FDFT1: variants seen among roughly 807,000 people sequenced by gnomAD.
FDFT1 encodes squalene synthase.
In FDFT1, 68 loss-of-function variants were observed where a neutral mutation model predicts 46.8. The ratio of observed to expected loss-of-function variants is 1.45; its 90% CI spans 1.19 to 1.78. FDFT1 has a LOEUF of 1.78. Among genes scored for constraint, FDFT1 ranks in the 40% most tolerant of loss-of-function variants. FDFT1 has a pLI of 0.00. For missense variants in FDFT1, 928 were observed against 524.4 expected, an observed-to-expected ratio of 1.77 and a Z score of -7.52; for synonymous variants, 351 against 185.1, an observed-to-expected ratio of 1.90 and a Z score of -7.28.
upstream of FDFT1, chr8:11,802,009 G>A (rs1394733282): frequency 2.2e-6 from 1 of 454,122 alleles, no homozygotes; most frequent in Non-Finnish European, 4.4e-6. Context: ...TAGTTTCTAG[G>A]GCTGGAGAGA....
chr8:11,814,065 T>G (rs182747088), intron 3 of FDFT1, among the ~76,000 whole-genome samples: 1 of 152,330 alleles, frequency 6.6e-6, no homozygotes, highest in Admixed American at 6.5e-5. Context: ...TGGAGGAGTC[T>G]AAGCTCCTTC....
At position 11,809,749 on chromosome 8, in the gene FDFT1, G is replaced by T. The variant is rs768320911; in HGVS notation, c.280G>T (p.Val94Phe). 1.2e-6 allele frequency: 2 copies of T among 1,614,124 alleles called. No individual in the cohort carries two copies. The highest frequency in any genetic ancestry group is 1.7e-6 in the Non-Finnish European group (2 of 1,179,988). ...DDMTISVEKK[V>F]PLLHNFHSFL... is the part of the protein sequence containing the mutation. ...CATGACCATCAGTGTGGAAAAGAAG[G>T]TCCCGCTGTTACACAACTTTCACTC... The change falls in exon 3 of 8, where the codon GTC becomes TTC. Residue 94 changes from valine (V) to phenylalanine (F), a missense_variant. Val to Phe is a conservative substitution (Grantham distance 50, BLOSUM62 -1). Transcript: ENST00000220584.
At chr8:11,819,616 T>C (rs904874747) in intron 3 of FDFT1, among the ~76,000 whole-genome samples, 4 of 152,040 alleles carry the variant, frequency 2.6e-5, no homozygotes, top group African/African-American at 9.7e-5. Context: ...ACTGATATCC[T>C]TTCTTCTGCT....
At chr8:11,831,059 G>A (rs1386813386) in intron 6 of FDFT1, among the ~76,000 whole-genome samples, 1 of 152,064 alleles carries the variant, frequency 6.6e-6, no homozygotes, top group Non-Finnish European at 1.5e-5. Flanking sequence ...TTTGAGCACA[G>A]GAAATTAATC....
chr8:11,817,015 T>C (rs1479562663), intron 3 of FDFT1, among the ~76,000 whole-genome samples: 4 of 152,222 alleles, frequency 2.6e-5, no homozygotes, highest in African/African-American at 7.2e-5. Flanking sequence ...TTGTCATAAA[T>C]AGCTCCTTAT....
intron 1 of FDFT1, among the ~76,000 whole-genome samples, chr8:11,805,659 T>TTC (rs771435667): frequency 0.49 from 73,693 of 151,818 alleles, 20,134 homozygotes; most frequent in South Asian, 0.67. Flanking sequence ...AAAGAATTTT[T>TTC]TGAGTGTTTG....
At chr8:11,812,737 TCAATA>T (rs1807909498) in intron 3 of FDFT1, among the ~76,000 whole-genome samples, 1 of 152,210 alleles carries the variant, frequency 6.6e-6, no homozygotes, top group Non-Finnish European at 1.5e-5. Context: ...GGAATAAGCC[TCAATA>T]CAGTGTTCTA....
chr8:11,836,924 G>C (rs1586022186), intron 7 of FDFT1, among the ~76,000 whole-genome samples: 1 of 152,260 alleles, frequency 6.6e-6, no homozygotes, highest in African/African-American at 2.4e-5. Context: ...TGCCAGCACA[G>C]GGCTAGGCTG....
At chr8:11,822,788 C>A (rs753568193) in intron 4 of FDFT1, among the ~76,000 whole-genome samples, 3 of 152,174 alleles carry the variant, frequency 2.0e-5, no homozygotes, top group African/African-American at 7.2e-5. Flanking sequence ...TGCACTCCAA[C>A]GTGGGTGACA....
chr8:11,831,969 T>C (rs1156868853), intron 7 of FDFT1, among the ~76,000 whole-genome samples: 2 of 152,160 alleles, frequency 1.3e-5, no homozygotes, highest in Non-Finnish European at 2.9e-5. Flanking sequence ...CAACCAAGCT[T>C]CTTGTTGCTG....
chr8:11,802,177 G>T, upstream of FDFT1: 1 of 445,144 alleles, frequency 2.2e-6, no homozygotes, highest in Non-Finnish European at 4.5e-6. Context: ...GCGGTGGCGG[G>T]CAGGCGAGCT....
upstream of FDFT1, chr8:11,802,490 G>A (rs1368605352): frequency 4.1e-6 from 2 of 489,916 alleles, no homozygotes; most frequent in East Asian, 5.8e-5. Context: ...GGCTCCATCA[G>A]GGCACCAATC....
chr8:11,796,564 G>C (rs1377080677), intron 1 of FDFT1, among the ~76,000 whole-genome samples: 1 of 152,172 alleles, frequency 6.6e-6, no homozygotes, highest in African/African-American at 2.4e-5. Context: ...CAGGGGAGTG[G>C]GAAGCTTTAC....
chr8:11,808,541 C>CA, intron 1 of FDFT1: 1 of 1,340,884 alleles, frequency 7.5e-7, no homozygotes, highest in Non-Finnish European at 9.5e-7. Context: ...CCTGCGGCAC[C>CA]AAGGCCATGG....
chr8:11,812,044 G>C (rs1219944050), intron 3 of FDFT1, among the ~76,000 whole-genome samples: 1 of 152,178 alleles, frequency 6.6e-6, no homozygotes, highest in Non-Finnish European at 1.5e-5. Context: ...CAAGTAGTGT[G>C]AAAGAGGACT....
At chr8:11,800,047 G>A (rs1461937927), upstream of FDFT1, among the ~76,000 whole-genome samples, 3 of 148,946 alleles carry the variant, frequency 2.0e-5, no homozygotes, top group Non-Finnish European at 4.5e-5. Flanking sequence ...GGATCATGAG[G>A]TCAGGAGTTC....
chr8:11,831,759 A>G, intron 7 of FDFT1, 89 bp downstream of exon 7: 4 of 1,073,444 alleles, frequency 3.7e-6, no homozygotes, highest in Non-Finnish European at 5.7e-6. Context: ...ATATTAGATG[A>G]TCCTAACAAT....
At chr8:11,811,258 C>T (rs1736108) in intron 3 of FDFT1, among the ~76,000 whole-genome samples, 28,861 of 152,082 alleles carry the variant, frequency 0.19, 3,117 homozygotes, top group East Asian at 0.44. Flanking sequence ...ATTGATGGGC[C>T]TCTGAATTCT....
In FDFT1 at chr8:11,838,455, G is replaced by A. The variant is rs373360995; in HGVS notation, c.1100G>A (p.Arg367Gln). Residue 367 changes from arginine to glutamine, a missense_variant, in exon 8 of 8, where the codon CGG becomes CAG. By Grantham distance (43) the Arg-to-Gln change is conservative. Transcript: ENST00000220584. The stretch of plus-strand genomic sequence containing the variant: ...ACAAGGCAGATCATCTCCACCATCC[G>A]GACGCAGAATCTTCCCAACTGTCAG... Reference protein sequence around the residue: ...SKTRQIISTIRTQNLPNCQLI... With the variant: ...SKTRQIISTIQTQNLPNCQLI... The A allele has an allele frequency of 4.9e-5, 79 of 1,607,702 alleles. No homozygotes were observed. The highest frequency in any genetic ancestry group is 6.0e-5 in the Non-Finnish European group (71 of 1,176,524).
Sources: allele counts gnomAD v4.1 joint callset (sites outside exome capture counted in the v4.1 genomes callset), GRCh38; gene constraint gnomAD v4.1.1; transcripts MANE v1.5; gene names NCBI Gene and HGNC (gene_info 2026-07-23, HGNC 2026-07-21).